The following ZPBP variants were observed in gnomAD, a reference collection of about 807,000 sequenced individuals.
The protein encoded by ZPBP is zona pellucida-binding protein 1.
A neutral mutation model predicts 44.8 loss-of-function variants in ZPBP; 26 were observed. The ratio of observed to expected loss-of-function variants is 0.58; its 90% confidence interval spans 0.43 to 0.81. ZPBP has a LOEUF of 0.81. ZPBP is among the 30% of genes least tolerant of loss of function. ZPBP has a pLI of 0.00. For synonymous variants in ZPBP, 174 were observed against 153.2 expected, an observed-to-expected ratio of 1.14 and a Z score of -1.00; for missense variants, 409 against 434.0, an observed-to-expected ratio of 0.94 and a Z score of 0.51.
chr7:50,037,374 C>T (rs1355040), intron 4 of ZPBP, among the ~76,000 whole-genome samples: 4,577 of 152,292 alleles, frequency 0.03, 192 homozygotes, highest in South Asian at 0.13. Flanking sequence ...CGTTCTCACA[C>T]TGCTATAAAG....
intron 2 of ZPBP, among the ~76,000 whole-genome samples, chr7:49,876,324 G>C (rs532686257): frequency 6.6e-5 from 10 of 152,216 alleles, no homozygotes; most frequent in African/African-American, 2.2e-4. Flanking sequence ...TCATTTAAAA[G>C]ACCCAATTTT....
chr7:50,035,099 A>G, intron 4 of ZPBP, among the ~76,000 whole-genome samples: 1 of 152,328 alleles, frequency 6.6e-6, no homozygotes, highest in Admixed American at 6.5e-5. Flanking sequence ...TTTTACTATC[A>G]TCCCACATTT....
chr7:49,861,439 C>T (rs975174251), intron 2 of ZPBP, among the ~76,000 whole-genome samples: 1 of 152,076 alleles, frequency 6.6e-6, no homozygotes, highest in Non-Finnish European at 1.5e-5. Context: ...ATTCTGTTTG[C>T]TGTCTTTTCA....
At chr7:49,980,462 G>T (rs558941243) in intron 7 of ZPBP, among the ~76,000 whole-genome samples, 1 of 150,860 alleles carries the variant, frequency 6.6e-6, no homozygotes, top group Non-Finnish European at 1.5e-5. Context: ...TTTAAGCCTG[G>T]ATAGTTTATA....
intron 5 of ZPBP, among the ~76,000 whole-genome samples, chr7:50,022,086 T>G (rs1799126823): frequency 6.6e-6 from 1 of 152,062 alleles, no homozygotes; most frequent in Non-Finnish European, 1.5e-5. Context: ...ATCCTGTATC[T>G]GGCAAAACAA....
intron 7 of ZPBP, chr7:49,943,528 C>T (rs1045750318): frequency 2.5e-6 from 1 of 394,146 alleles, no homozygotes; most frequent in Non-Finnish European, 4.9e-6. Context: ...GTACAACTTT[C>T]CAAACTGCCA....
intron 6 of ZPBP, among the ~76,000 whole-genome samples, chr7:50,002,265 T>C (rs911462178): frequency 4.6e-5 from 7 of 152,082 alleles, no homozygotes; most frequent in African/African-American, 1.7e-4. Flanking sequence ...TCAAATCTCA[T>C]GAGGCTTATT....
downstream of ZPBP, among the ~76,000 whole-genome samples, chr7:49,933,184 C>G (rs143063069): frequency 3.4e-3 from 514 of 152,236 alleles, 3 homozygotes; most frequent in Non-Finnish European, 5.1e-3. Flanking sequence ...AAAATACTCA[C>G]TACATATGGT....
intron 2 of ZPBP, among the ~76,000 whole-genome samples, chr7:50,088,377 C>A (rs776436565): frequency 4.6e-5 from 7 of 151,930 alleles, no homozygotes; most frequent in Non-Finnish European, 7.4e-5. Flanking sequence ...GCAATAATTT[C>A]TTAGATATGA....
At chr7:49,885,801 C>G (rs975486735) in intron 2 of ZPBP, among the ~76,000 whole-genome samples, 2 of 152,206 alleles carry the variant, frequency 1.3e-5, no homozygotes, top group African/African-American at 4.8e-5. Flanking sequence ...ACCACTAGCA[C>G]CGGGGACGCA....
chr7:49,842,908 T>G, the ZPBP span, among the ~76,000 whole-genome samples: 1 of 152,236 alleles, frequency 6.6e-6, no homozygotes, highest in Non-Finnish European at 1.5e-5. Context: ...TTCCAACTTT[T>G]ATTTTTAGAT....
chr7:49,845,420 G>T, the ZPBP span, among the ~76,000 whole-genome samples: 14 of 152,272 alleles, frequency 9.2e-5, no homozygotes, highest in South Asian at 4.1e-4. Context: ...AACAATGCTT[G>T]TGATTATTAC....
chr7:49,965,957 G>A (rs1434004882), intron 7 of ZPBP, among the ~76,000 whole-genome samples: 1 of 151,976 alleles, frequency 6.6e-6, no homozygotes, highest in East Asian at 1.9e-4. Flanking sequence ...ATAATGAAAA[G>A]AAAGCTGCAG....
intron 2 of ZPBP, among the ~76,000 whole-genome samples, chr7:49,875,020 C>T (rs1791337722): frequency 1.3e-5 from 2 of 151,562 alleles, no homozygotes; most frequent in African/African-American, 2.4e-5. Context: ...GCAGAAAGAA[C>T]TGGAAACAGT....
intron 4 of ZPBP, among the ~76,000 whole-genome samples, chr7:50,032,929 G>T (rs1411451235): frequency 6.6e-6 from 1 of 152,034 alleles, no homozygotes; most frequent in Non-Finnish European, 1.5e-5. Context: ...AATTAGACTG[G>T]GTAAGAATTT....
intron 2 of ZPBP, among the ~76,000 whole-genome samples, chr7:49,866,173 T>C (rs1004385803): frequency 7.2e-5 from 11 of 152,236 alleles, no homozygotes; most frequent in African/African-American, 2.7e-4. Context: ...CTTTGGATTG[T>C]TTCTCACTTG....
At chr7:49,966,653 TACA>T (rs780307972) in intron 7 of ZPBP, among the ~76,000 whole-genome samples, 40 of 152,224 alleles carry the variant, frequency 2.6e-4, no homozygotes, top group Middle Eastern at 3.4e-3. Flanking sequence ...AAAATGAAAA[TACA>T]ACATGTTGAA....
chr7:50,083,141 G>A (rs971236181), intron 2 of ZPBP, among the ~76,000 whole-genome samples: 4 of 151,450 alleles, frequency 2.6e-5, no homozygotes, highest in African/African-American at 7.3e-5. Flanking sequence ...CCTTCCTCTC[G>A]CCCCCACTAA....
At chr7:49,993,907 T>C (rs940930358) in intron 6 of ZPBP, among the ~76,000 whole-genome samples, 2 of 152,282 alleles carry the variant, frequency 1.3e-5, no homozygotes, top group East Asian at 3.9e-4. Context: ...AAAGGGGTCA[T>C]CCCATCCCCT....
Sources: allele counts gnomAD v4.1 joint callset (sites outside exome capture counted in the v4.1 genomes callset), GRCh38; gene constraint gnomAD v4.1.1; transcripts MANE v1.5; gene names NCBI Gene and HGNC (gene_info 2026-07-23, HGNC 2026-07-21).